NRG3: variants seen among roughly 807,000 people sequenced by gnomAD.
NRG3 encodes pro-neuregulin-3, membrane-bound isoform.
In NRG3, 31 loss-of-function variants were observed where a neutral mutation model predicts 66.9. The ratio of observed to expected loss-of-function variants is 0.46; its 90% confidence interval spans 0.35 to 0.63. The LOEUF (loss-of-function observed/expected upper bound fraction) is 0.63. NRG3 is among the 20% of genes least tolerant of loss of function. The probability of loss-of-function intolerance (pLI) is 0.00; values close to 1 mark genes in which losing one functional copy is unlikely to be tolerated. For missense variants in NRG3, 910 were observed against 878.9 expected (o/e 1.04, Z -0.45); for synonymous variants, 393 against 359.4 (o/e 1.09, Z -1.06).
intron 2 of NRG3, 103 bp from the exon 3 acceptor site, chr10:82,738,474 G>T: frequency 2.3e-6 from 2 of 883,000 alleles, no homozygotes; most frequent in Non-Finnish European, 3.8e-6. Flanking sequence ...AAGCATGAAT[G>T]TACTGTTCTC....
intron 2 of NRG3, among the ~76,000 whole-genome samples, chr10:82,677,916 C>T (rs760188210): frequency 6.6e-6 from 1 of 152,134 alleles, no homozygotes; most frequent in Non-Finnish European, 1.5e-5. Flanking sequence ...CCCTTTGGAG[C>T]GGGCTGCCCA....
In NRG3 at chr10:82,593,987, G is replaced by T. The variant is rs116583012; in HGVS notation, c.954-144590G>T. 9.0e-3 allele frequency among the ~76,000 whole-genome samples: 1,373 copies of T among 152,112 alleles called. 29 individuals are homozygous for T. Among genetic ancestry groups the T allele is most frequent in the African/African-American group, 0.032 (1,310 of 41,502 alleles). On this transcript the variant is annotated intron_variant, in intron 2 of 8. Coordinates refer to ENST00000372141, the MANE Select transcript of NRG3 (RefSeq NM_001010848.4). Reference sequence around the variant, plus strand: ...AAAGCCAGACTTTCTTTGACTAGATGACTTTTATTCTAGAACTGATTTTTG... The same window carrying T: ...AAAGCCAGACTTTCTTTGACTAGATTACTTTTATTCTAGAACTGATTTTTG...
chr10:82,703,654 A>C (rs1188784684), intron 2 of NRG3, among the ~76,000 whole-genome samples: 1 of 152,118 alleles, frequency 6.6e-6, no homozygotes, highest in Non-Finnish European at 1.5e-5. Context: ...TTTCCTACCA[A>C]CACACTTGCT....
intron 2 of NRG3, among the ~76,000 whole-genome samples, chr10:82,683,348 C>T (rs904113853): frequency 5.3e-5 from 8 of 151,866 alleles, no homozygotes; most frequent in Admixed American, 6.6e-5. Flanking sequence ...TCTATCTCTT[C>T]CTCTCTCCCC....
At chr10:82,362,333 ATG>A (rs56996997) in intron 2 of NRG3, among the ~76,000 whole-genome samples, 11,166 of 135,712 alleles carry the variant, frequency 0.082, 430 homozygotes, top group South Asian at 0.12. Context: ...GTATATATAT[ATG>A]TGTGTGTGTG....
At chr10:82,568,728 T>G (rs1309058272) in intron 2 of NRG3, among the ~76,000 whole-genome samples, 1 of 151,844 alleles carries the variant, frequency 6.6e-6, no homozygotes, top group African/African-American at 2.4e-5. Context: ...TCAGTTCAAA[T>G]TACGTTTATT....
intron 1 of NRG3, among the ~76,000 whole-genome samples, chr10:82,072,542 G>A (rs1298047591): frequency 6.6e-6 from 1 of 152,106 alleles, no homozygotes; most frequent in African/African-American, 2.4e-5. Context: ...AGTGCTTCTA[G>A]GACTTTGGTG....
chr10:82,872,612 T>G (rs999433005), intron 4 of NRG3, among the ~76,000 whole-genome samples: 4 of 152,004 alleles, frequency 2.6e-5, no homozygotes, highest in African/African-American at 9.7e-5. Flanking sequence ...ATGTTGGATA[T>G]GCAGATATAT....
At chr10:82,243,322 A>G (rs2077085378) in intron 1 of NRG3, among the ~76,000 whole-genome samples, 1 of 152,220 alleles carries the variant, frequency 6.6e-6, no homozygotes, top group African/African-American at 2.4e-5. Flanking sequence ...CATTACTGAT[A>G]ACTAGAAATA....
chr10:82,628,910 G>A (rs1213584979), intron 2 of NRG3, among the ~76,000 whole-genome samples: 1 of 152,174 alleles, frequency 6.6e-6, no homozygotes, highest in Non-Finnish European at 1.5e-5. Context: ...TGGTCACAGA[G>A]TGTATTGGAA....
intron 2 of NRG3, among the ~76,000 whole-genome samples, chr10:82,627,280 A>G (rs1478831215): frequency 1.3e-5 from 2 of 152,070 alleles, no homozygotes; most frequent in African/African-American, 4.8e-5. Context: ...TAAGCAAAAC[A>G]CAGATTATTT....
chr10:82,168,325 C>G (rs1040432621), intron 1 of NRG3, among the ~76,000 whole-genome samples: 1 of 152,014 alleles, frequency 6.6e-6, no homozygotes, highest in Admixed American at 6.6e-5. Flanking sequence ...TGGCTTCTCT[C>G]TTGGAAGATC....
intron 2 of NRG3, among the ~76,000 whole-genome samples, chr10:82,570,247 C>T (rs1327865238): frequency 6.6e-6 from 1 of 151,644 alleles, no homozygotes; most frequent in African/African-American, 2.4e-5. Flanking sequence ...AGGTTAAATT[C>T]CTTAACCTGG....
chr10:82,022,175 G>T (rs923621127), intron 1 of NRG3, among the ~76,000 whole-genome samples: 2 of 152,014 alleles, frequency 1.3e-5, no homozygotes, highest in Admixed American at 1.3e-4. Context: ...CAGGTCGTCA[G>T]GCCACGGTGA....
chr10:82,013,866 A>AT (rs1242489674), intron 1 of NRG3, among the ~76,000 whole-genome samples: 6 of 152,070 alleles, frequency 3.9e-5, no homozygotes, highest in African/African-American at 7.2e-5. Flanking sequence ...ATTTATTCGT[A>AT]TTTTTTTTCT....
At chr10:82,131,712 A>G (rs936654867) in intron 1 of NRG3, among the ~76,000 whole-genome samples, 8 of 152,094 alleles carry the variant, frequency 5.3e-5, no homozygotes, top group African/African-American at 1.9e-4. Flanking sequence ...AATTTCTTGC[A>G]TCAATGTTGT....
At chr10:82,374,514 G>A (rs902246048) in intron 2 of NRG3, among the ~76,000 whole-genome samples, 23 of 152,276 alleles carry the variant, frequency 1.5e-4, no homozygotes, top group African/African-American at 7.2e-5. Context: ...CAATAATCAC[G>A]CATTCATTGT....
chr10:82,845,585 GT>G (rs892412235), intron 3 of NRG3, among the ~76,000 whole-genome samples: 15 of 151,648 alleles, frequency 9.9e-5, no homozygotes, highest in African/African-American at 2.7e-4. Flanking sequence ...AAAGACAGAA[GT>G]TGTGGGAAAT....
intron 1 of NRG3, among the ~76,000 whole-genome samples, chr10:82,190,817 C>T (rs956146027): frequency 3.9e-5 from 6 of 152,180 alleles, no homozygotes; most frequent in African/African-American, 9.7e-5. Flanking sequence ...CTAAGGTTTC[C>T]TCCCAACTGT....
Sources: gnomAD v4.1 joint callset for allele counts (sites outside exome capture counted in the v4.1 genomes callset) on GRCh38, gnomAD v4.1.1 for gene constraint, MANE v1.5 for transcripts, NCBI Gene and HGNC (gene_info 2026-07-23, HGNC 2026-07-21) for gene names.